Variants in STRADA observed in about 807,000 individuals in gnomAD.
The protein encoded by STRADA is STE20-related kinase adapter protein alpha.
In STRADA, 26 loss-of-function variants were observed where a neutral mutation model predicts 55.0. The observed-to-expected ratio is 0.47, with a 90% CI of 0.35 to 0.66. The LOEUF is 0.66. Among genes scored for constraint, STRADA ranks in the 30% least tolerant of loss-of-function variants. The pLI is 0.01. For missense variants in STRADA, 443 were observed against 549.7 expected, an observed-to-expected ratio of 0.81 and a Z score of 1.94; for synonymous variants, 197 against 210.9, an observed-to-expected ratio of 0.93 and a Z score of 0.57.
chr17:63,716,489 C>T (rs2036894141), intron 4 of STRADA, among the ~76,000 whole-genome samples: 1 of 152,084 alleles, frequency 6.6e-6, no homozygotes, highest in Admixed American at 6.6e-5. Context: ...TTACATTTCC[C>T]TGATTACTAA....
At chr17:63,719,852 T>A (rs571370842) in intron 4 of STRADA, among the ~76,000 whole-genome samples, 1 of 152,138 alleles carries the variant, frequency 6.6e-6, no homozygotes, top group Admixed American at 6.5e-5. Flanking sequence ...AGACATATTG[T>A]CTACTAGGCT....
chr17:63,712,986 G>A (rs1176961990), intron 6 of STRADA, among the ~76,000 whole-genome samples: 19 of 141,470 alleles, frequency 1.3e-4, no homozygotes, highest in Non-Finnish European at 2.1e-4. Flanking sequence ...GGGTGACAGA[G>A]TGAGAATCCG....
rs1338109646 is a variant in STRADA, at chr17:63,703,697, TG to T, written c.1197del (p.Ile400SerfsTer19). 2.5e-6 allele frequency: 4 copies of T among 1,613,940 alleles called. No individual in the cohort carries two copies. Among genetic ancestry groups the T allele is most frequent in the Non-Finnish European group, 3.4e-6 (4 of 1,179,996 alleles). ...ALPELLRPVT[P>X]ITNFEGSQSQ... ...GACTGGCTGCCCTCAAAATTGGTGA[TG>T]GGGGTGACAGGACGAAGCAATTCGG... On this transcript the variant is annotated frameshift_variant, in exon 13 of 13. Coordinates refer to ENST00000336174, the MANE Select transcript of STRADA (RefSeq NM_001003787.4). LOFTEE classifies it high-confidence loss of function.
At chr17:63,721,386 T>TA (rs202045702) in intron 4 of STRADA, among the ~76,000 whole-genome samples, 1,937 of 70,322 alleles carry the variant, frequency 0.028, 66 homozygotes, top group Admixed American at 0.15. Flanking sequence ...AAAAATAAAA[T>TA]AAAAAAAAAT....
intron 4 of STRADA, among the ~76,000 whole-genome samples, chr17:63,721,428 A>G (rs984560658): frequency 4.0e-4 from 61 of 150,768 alleles, no homozygotes; most frequent in African/African-American, 1.5e-3. Flanking sequence ...AAAAAAAAAA[A>G]AAGTTCTTGA....
At position 63,704,444 on chromosome 17, in the gene STRADA, G is replaced by A. The variant is rs761989598; in HGVS notation, c.997C>T (p.Arg333Trp). ...GAGGGCGAGTCACCGTTGGAGGGCCGGGGGGTGCTGGTGGTCAGGCTGTCA... is the reference window on the plus strand; with the variant it reads ...GAGGGCGAGTCACCGTTGGAGGGCCAGGGGGTGCTGGTGGTCAGGCTGTCA... ...LSDSLTTSTPRPSNGDSPSHP... is the reference protein window; with the variant it reads ...LSDSLTTSTPWPSNGDSPSHP... Residue 333 changes from arginine to tryptophan, a missense_variant, in exon 11 of 13, where the codon CGG (arginine) becomes TGG (tryptophan). Arg to Trp is a moderately radical substitution (Grantham distance 101, BLOSUM62 -3). Coordinates refer to ENST00000336174, the MANE Select transcript of STRADA (RefSeq NM_001003787.4). 2.3e-5 allele frequency: 37 copies of A among 1,611,400 alleles called. No individual in the cohort carries two copies. In the Admixed American group the frequency reaches 4.0e-4, roughly 17 times the overall value.
At position 63,707,436 on chromosome 17, in the gene STRADA, G is replaced by T. The variant is rs1568177665; in HGVS notation, c.582-18C>A. Reference sequence around the variant, plus strand: ...TGACACTCCTGGGGAAGCGGGGAGGGTGTCATGTCGAGAGCAGGAGCCCCT... The same window carrying T: ...TGACACTCCTGGGGAAGCGGGGAGGTTGTCATGTCGAGAGCAGGAGCCCCT... On this transcript the variant is annotated intron_variant, in intron 8 of 12. Transcript: ENST00000336174. 1 of 1,609,488 alleles carries T rather than the reference G, an allele frequency of 6.2e-7. No homozygotes were observed. Among genetic ancestry groups the T allele is most frequent in the South Asian group, 1.1e-5 (1 of 91,030 alleles).
chr17:63,740,147 T>TACAC (rs57585655), intron 1 of STRADA, among the ~76,000 whole-genome samples: 13,914 of 66,720 alleles, frequency 0.21, 2,858 homozygotes, highest in East Asian at 0.41. Flanking sequence ...TATATATATA[T>TACAC]ACACACACAC....
chr17:63,703,443 G>T lies in STRADA; in HGVS notation c.*156C>A. On this transcript the variant is annotated 3_prime_UTR_variant, in exon 13 of 13. Transcript: ENST00000336174. ...TTGGAGCAGTGAAGTGTCTCTCCAG[G>T]ATTTTCTTTCCCAATCAGTCAGCAG... is the stretch of plus-strand genomic sequence containing the variant. 1.4e-6 allele frequency: 1 copy of T among 707,246 alleles called. No individual in the cohort carries two copies. The highest frequency in any genetic ancestry group is 2.3e-6 in the Non-Finnish European group (1 of 430,566). The allele number at this position is 707,246 out of a possible 1,614,324, so 43.8% of individuals were successfully genotyped here.
At chr17:63,721,662 C>T (rs1168340401) in intron 4 of STRADA, among the ~76,000 whole-genome samples, 7 of 149,992 alleles carry the variant, frequency 4.7e-5, no homozygotes, top group East Asian at 3.9e-4. Flanking sequence ...TGCAGTAAGC[C>T]GAGATCGCAC....
chr17:63,704,770 C>A, intron 10 of STRADA, 188 bp from the exon 11 acceptor site: 1 of 1,532,900 alleles, frequency 6.5e-7, no homozygotes, highest in Non-Finnish European at 8.7e-7. Flanking sequence ...GGCGTGGCAG[C>A]TCCGCCCTAG....
Position 63,714,014 on chromosome 17 carries a change from G to A in STRADA, c.218C>T (p.Thr73Ile). The A allele has an allele frequency of 6.2e-7, 1 of 1,613,474 alleles. No individual in the cohort carries two copies. Among genetic ancestry groups the A allele is most frequent in the East Asian group, 2.2e-5 (1 of 44,876 alleles). The change falls in exon 5 of 13, where the codon ACT becomes ATT. Residue 73 changes from threonine to isoleucine, a missense_variant. Coordinates refer to ENST00000336174, the MANE Select transcript of STRADA (RefSeq NM_001003787.4). ...LPEGGCYELL[T>I]VIGKGFEDLM... ...ACGGCCCCTGCACATACCTATCACA[G>A]TGAGCAGCTCGTAACACCCTCCCTC... is the stretch of plus-strand genomic sequence containing the variant.
intron 1 of STRADA, among the ~76,000 whole-genome samples, chr17:63,735,315 T>C (rs1189811007): frequency 2.0e-5 from 3 of 152,178 alleles, no homozygotes; most frequent in African/African-American, 7.2e-5. Flanking sequence ...AAGCACATAC[T>C]CTGAAATAAG....
At chr17:63,715,091 C>G (rs188761547) in intron 4 of STRADA, 1 of 152,190 alleles carries the variant, frequency 6.6e-6, no homozygotes, top group Non-Finnish European at 1.5e-5. Context: ...AGGCTCCTGA[C>G]CCAGCACTAC....
chr17:63,728,198 C>T (rs1471416863), intron 2 of STRADA, 136 bp downstream of exon 2: 2 of 751,518 alleles, frequency 2.7e-6, no homozygotes, highest in East Asian at 5.8e-5. Context: ...GGCTGCACTA[C>T]CTGCCTTACT....
intron 2 of STRADA, 42 bp downstream of exon 2, chr17:63,728,292 A>C: frequency 6.2e-7 from 1 of 1,608,152 alleles, no homozygotes; most frequent in Non-Finnish European, 8.5e-7. Context: ...TGCTTTTCAG[A>C]AAACAAAAAT....
At chr17:63,721,296 C>T (rs934179455) in intron 4 of STRADA, among the ~76,000 whole-genome samples, 2 of 150,612 alleles carry the variant, frequency 1.3e-5, no homozygotes, top group Admixed American at 6.6e-5. Flanking sequence ...CGCTTGAACC[C>T]GAGAGGTGGA....
At position 63,740,057 on chromosome 17, in the gene STRADA, G is replaced by A. The variant is rs569799490; in HGVS notation, c.-45+1684C>T. 2.2e-3 allele frequency among the ~76,000 whole-genome samples: 272 copies of A among 123,310 alleles called. 2 individuals carry two copies. The highest frequency in any genetic ancestry group is 3.7e-3 in the Non-Finnish European group (230 of 61,834). The allele number at this position is 123,310 out of a possible 152,430, so 80.9% of individuals were successfully genotyped here. On this transcript the variant is annotated intron_variant, in intron 1 of 12. Coordinates refer to ENST00000336174, the MANE Select transcript of STRADA (RefSeq NM_001003787.4). ...TGCTGGGATTACAGAGGTGGGCCAC[G>A]GTACCCAGCCTATCAGAAACATTTA...
At chr17:63,706,612 A>T (rs2036107717) in intron 10 of STRADA, 23 bp downstream of exon 10, 2 of 1,590,668 alleles carry the variant, frequency 1.3e-6, no homozygotes, top group Non-Finnish European at 1.7e-6. Flanking sequence ...GGCAAGAAGG[A>T]AACCGATGGG....
Sources: allele counts gnomAD v4.1 joint callset (sites outside exome capture counted in the v4.1 genomes callset), GRCh38; gene constraint gnomAD v4.1.1; transcripts MANE v1.5; gene names NCBI Gene and HGNC (gene_info 2026-07-23, HGNC 2026-07-21).